EP400: variants seen among roughly 807,000 people sequenced by gnomAD.
The protein encoded by EP400 is E1A-binding protein p400.
Under a neutral mutation model 354.1 loss-of-function variants are expected in EP400, and 105 were observed. That is an observed-to-expected ratio of 0.30 (90% confidence interval 0.25 to 0.35). The LOEUF (loss-of-function observed/expected upper bound fraction) is 0.35. Ranked by LOEUF, EP400 falls within the 10% of genes least tolerant of loss-of-function variation. The pLI, the probability that EP400 is intolerant of heterozygous loss-of-function variation, is 1.00. For missense variants in EP400, 3,280 were observed against 4,121.0 expected (o/e 0.80, Z 5.59); for synonymous variants, 1,646 against 1,716.9 (o/e 0.96, Z 1.02).
intron 2 of EP400, among the ~76,000 whole-genome samples, chr12:131,971,693 ATT>A (rs372977332): frequency 6.2e-5 from 9 of 144,992 alleles, no homozygotes; most frequent in Admixed American, 1.4e-4. Context: ...TATGGGTAAA[ATT>A]TTTTTTTTTT....
intron 50 of EP400, chr12:132,069,277 A>C: frequency 1.7e-6 from 1 of 574,528 alleles, no homozygotes; most frequent in Non-Finnish European, 2.9e-6. Context: ...GGCCTCCTGG[A>C]GGAGAAGCTG....
At chr12:132,051,902 G>T (rs1895304275) in intron 41 of EP400, among the ~76,000 whole-genome samples, 1 of 152,178 alleles carries the variant, frequency 6.6e-6, no homozygotes, top group African/African-American at 2.4e-5. Flanking sequence ...CCGCTTGGCA[G>T]TGGGTGTCTT....
rs369630928 is a variant in EP400 at position 132,006,105 on chromosome 12, G to A, written c.2936-7G>A. 1.4e-4 allele frequency: 218 copies of A among 1,610,510 alleles called. No individual in the cohort carries two copies. Among genetic ancestry groups the A allele is most frequent in the Non-Finnish European group, 1.7e-4 (201 of 1,177,528 alleles). On this transcript the variant is annotated splice_polypyrimidine_tract_variant and splice_region_variant and intron_variant, in intron 13 of 52. Coordinates refer to ENST00000389561, the MANE Select transcript of EP400 (RefSeq NM_015409.5). ...GCCCTCACTTCTCTGTTTTATTGTCGTTACAGATGCAGATGACTGTCCAGG... is the reference window on the plus strand; with the variant it reads ...GCCCTCACTTCTCTGTTTTATTGTCATTACAGATGCAGATGACTGTCCAGG...
chr12:132,006,539 T>G (rs1893587422), intron 14 of EP400, among the ~76,000 whole-genome samples, 161 bp from the exon 15 acceptor site: 1 of 152,234 alleles, frequency 6.6e-6, no homozygotes. Flanking sequence ...CTAGCGAGAC[T>G]CGATCTCCAA....
chr12:132,009,603 G>A (rs907505821), intron 15 of EP400, among the ~76,000 whole-genome samples: 55 of 152,190 alleles, frequency 3.6e-4, no homozygotes, highest in Admixed American at 2.4e-3. Context: ...GAAAGATTGC[G>A]GTCAGCCACG....
chr12:131,995,657 AGTGT>A (rs1226651084), intron 12 of EP400, among the ~76,000 whole-genome samples: 2 of 145,678 alleles, frequency 1.4e-5, no homozygotes, highest in Admixed American at 7.0e-5. Context: ...GTTCATCCTG[AGTGT>A]GTGAGAACTT....
intron 2 of EP400, among the ~76,000 whole-genome samples, chr12:131,975,149 C>T (rs976993108): frequency 2.0e-5 from 3 of 152,136 alleles, no homozygotes; most frequent in East Asian, 1.9e-4. Context: ...CAGCAGGACC[C>T]GTGTGTCCTG....
At chr12:132,000,821 A>G (rs1183736789) in intron 12 of EP400, among the ~76,000 whole-genome samples, 1 of 152,226 alleles carries the variant, frequency 6.6e-6, no homozygotes, top group East Asian at 1.9e-4. Flanking sequence ...GACATTCCCA[A>G]TGGTTTTTTA....
Position 132,029,488 on chromosome 12 carries a change from C to T in EP400, c.5382-213C>T, listed in dbSNP as rs1345082463. On this transcript the variant is annotated intron_variant, in intron 27 of 52. Transcript: ENST00000389561. The surrounding 1 kb of genome is among the most constrained non-coding windows in gnomAD (Gnocchi z 4.7). The stretch of plus-strand genomic sequence containing the variant: ...AGCCCTGGACTGTCTGAATTAGTCC[C>T]CGAGGTGGTGGTTATTGGCCAGGAC... 8.3e-6 allele frequency: 5 copies of T among 601,786 alleles called. No individual in the cohort carries two copies. Among genetic ancestry groups the T allele is most frequent in the Non-Finnish European group, 1.2e-5 (4 of 339,342 alleles). 37.3% of individuals were successfully genotyped at this position (601,786 alleles called of 1,614,324 possible). A position where few individuals can be genotyped will look rare whatever the true frequency, so the allele number is the denominator to read the frequency against.
At chr12:132,077,300 G>A (rs1029678161) in intron 52 of EP400, 101 bp from the exon 53 acceptor site, 1 of 1,425,300 alleles carries the variant, frequency 7.0e-7, no homozygotes, top group East Asian at 2.3e-5. Context: ...AGCATAGTCA[G>A]TGAAGTTTCT....
rs1895011030 is a variant in EP400 at position 132,044,269 on chromosome 12, G to A, written c.6543G>A (p.Glu2181=). Residue 2181 remains glutamate, a synonymous_variant, in exon 35 of 53, where the codon GAG becomes GAA. Coordinates refer to ENST00000389561, the MANE Select transcript of EP400 (RefSeq NM_015409.5). ...REARLRLEQE[E]AELLTYTRED... ...CCCGGCTGCGGCTGGAGCAGGAGGA[G>A]GCGGAGCTCCTGACCTACACGCGAG... 4 of 1,614,006 alleles carry A rather than the reference G, an allele frequency of 2.5e-6. No individual in the cohort carries two copies. The highest frequency in any genetic ancestry group is 1.3e-5 in the African/African-American group (1 of 74,954).
chr12:131,991,834 G>A (rs539434533), intron 10 of EP400, among the ~76,000 whole-genome samples: 75 of 152,030 alleles, frequency 4.9e-4, no homozygotes, highest in Middle Eastern at 6.8e-3. Context: ...CATTCTGTCC[G>A]CCTTGGCCTC....
intron 12 of EP400, 48 bp from the exon 13 acceptor site, chr12:132,005,029 C>A: frequency 7.1e-7 from 1 of 1,413,128 alleles, no homozygotes; most frequent in Non-Finnish European, 9.8e-7. Context: ...ATTTAAATTA[C>A]AGTTGTTGTT....
chr12:132,015,594 G>A lies in EP400; in HGVS notation c.3923+1681G>A, dbSNP rs1432449026. ...CCTTCAGGGTTGCAGTGTCGTCTGA[G>A]GTGTGAGAGGCTGGTGGCCCTGGGA... On this transcript the variant is annotated intron_variant, in intron 19 of 52. Coordinates refer to ENST00000389561, the MANE Select transcript of EP400 (RefSeq NM_015409.5). Among the ~76,000 whole-genome samples, 3 of 152,164 alleles carry A rather than the reference G, an allele frequency of 2.0e-5. No individual in the cohort carries two copies. In the East Asian group the frequency reaches 5.8e-4, roughly 29 times the overall value.
rs181231329 is a variant in EP400 at position 132,031,099 on chromosome 12, G to A, written c.5755-854G>A. 60 of 421,958 alleles carry A rather than the reference G, an allele frequency of 1.4e-4. No homozygotes were observed. The East Asian group carries it at 2.0e-3, about 14-fold the overall frequency. The allele number at this position is 421,958 out of a possible 1,614,324, so 26.1% of individuals were successfully genotyped here. Reference sequence around the variant, plus strand: ...CTGTAGAATGCCTGGAAGGAAGAGAGTTGGTCAGTGATTAGGTTTCGTTTC... The same window carrying A: ...CTGTAGAATGCCTGGAAGGAAGAGAATTGGTCAGTGATTAGGTTTCGTTTC... On this transcript the variant is annotated intron_variant, in intron 29 of 52. Transcript: ENST00000389561.
At chr12:132,073,183 G>GT (rs929661435) in intron 51 of EP400, among the ~76,000 whole-genome samples, 1 of 144,470 alleles carries the variant, frequency 6.9e-6, no homozygotes, top group African/African-American at 2.5e-5. Flanking sequence ...TGCTTGTTCT[G>GT]TTTTTTCTTT....
rs1422271858 is a variant in EP400 at position 131,977,318 on chromosome 12, TG to T, written c.1336-2375del. 6.7e-5 allele frequency among the ~76,000 whole-genome samples: 10 copies of T among 150,282 alleles called. No homozygotes were observed. In the East Asian group the frequency reaches 2.0e-3, roughly 29 times the overall value. ...CGTCTGACTAATTTTTTTTTTTTTT[TG>T]TATTTTTAGTAGAGACGGAGTTTCA... On this transcript the variant is annotated intron_variant, in intron 2 of 52. Transcript: ENST00000389561.
intron 1 of EP400, among the ~76,000 whole-genome samples, chr12:131,956,726 G>C (rs1891713646): frequency 6.6e-6 from 1 of 152,094 alleles, no homozygotes; most frequent in South Asian, 2.1e-4. Flanking sequence ...TGGAGTGCCA[G>C]TTGTCTGATT....
rs149750184 is a variant in EP400 at position 131,985,959 on chromosome 12, T to C, written c.1930-555T>C. On this transcript the variant is annotated intron_variant, in intron 5 of 52. Coordinates refer to ENST00000389561, the MANE Select transcript of EP400 (RefSeq NM_015409.5). ...CCTGTCTGCCATGAGAGAGGCACAC[T>C]GAATTTGTATTTTATTTTATTTTAT... Among the ~76,000 whole-genome samples, 18 of 152,218 alleles carry C rather than the reference T, an allele frequency of 1.2e-4. No individual in the cohort carries two copies. The East Asian group carries it at 3.5e-3, about 29-fold the overall frequency.
Sources: gnomAD v4.1 joint callset for allele counts (sites outside exome capture counted in the v4.1 genomes callset) on GRCh38, gnomAD v4.1.1 for gene constraint, Gnocchi (gnomAD v3.1) non-coding constraint, MANE v1.5 for transcripts, NCBI Gene and HGNC (gene_info 2026-07-23, HGNC 2026-07-21) for gene names.